AAR2: variants seen among roughly 807,000 people sequenced by gnomAD.
The protein encoded by AAR2 is AAR2 splicing factor.
Under a neutral mutation model 26.9 loss-of-function variants are expected in AAR2, and 31 were observed. That is an observed-to-expected ratio of 1.15 (90% confidence interval 0.86 to 1.55). The LOEUF (loss-of-function observed/expected upper bound fraction) is 1.55, where lower values mean the gene tolerates loss of function less well. AAR2 is among the 40% of genes most tolerant of loss of function. The pLI is 0.00. For synonymous variants in AAR2, 188 were observed against 196.1 expected, an observed-to-expected ratio of 0.96 and a Z score of 0.34; for missense variants, 430 against 491.3, an observed-to-expected ratio of 0.88 and a Z score of 1.18.
chr20:36,251,464 G>A (rs551139669), intron 3 of AAR2, among the ~76,000 whole-genome samples: 6 of 152,196 alleles, frequency 3.9e-5, no homozygotes, highest in African/African-American at 1.4e-4. Context: ...CCTGTGTCCT[G>A]GAGGCTGCAG....
At chr20:36,247,319 C>G (rs189487173) in intron 3 of AAR2, among the ~76,000 whole-genome samples, 1 of 152,280 alleles carries the variant, frequency 6.6e-6, no homozygotes, top group Admixed American at 6.5e-5. Context: ...ACCAGTTACC[C>G]CATCTCTCTC....
Position 36,239,895 on chromosome 20 carries a change from G to A in AAR2, c.27G>A (p.Glu9=). The change falls in exon 2 of 4, where the codon GAG becomes GAA. Residue 9 remains glutamate, a synonymous_variant. Coordinates refer to ENST00000320849, the MANE Select transcript of AAR2 (RefSeq NM_001271874.2). ...TGGCTGCCGTGCAGATGGATCCTGA[G>A]CTAGCCAAGCGCCTCTTCTTTGAAG... The part of the protein sequence containing the change: MAAVQMDP[E]LAKRLFFEGA... 6.2e-7 allele frequency: 1 copy of A among 1,603,726 alleles called. No homozygotes were observed. The highest frequency in any genetic ancestry group is 1.3e-5 in the African/African-American group (1 of 74,868).
chr20:36,238,043 C>T (rs2064635046), intron 1 of AAR2, among the ~76,000 whole-genome samples: 1 of 152,012 alleles, frequency 6.6e-6, no homozygotes, highest in Admixed American at 6.6e-5. Context: ...CTCGGCCTCC[C>T]AAAGTGCTGT....
At chr20:36,249,030 G>A (rs2064761098) in intron 3 of AAR2, among the ~76,000 whole-genome samples, 1 of 152,128 alleles carries the variant, frequency 6.6e-6, no homozygotes, top group Admixed American at 6.5e-5. Context: ...TGCCCTCCCA[G>A]GTAGTCAAGT....
At position 36,255,951 on chromosome 20, in the gene AAR2, G is replaced by T; in HGVS notation, c.*206G>T. The T allele has an allele frequency of 1.5e-6, 1 of 685,934 alleles. No individual in the cohort carries two copies. Among genetic ancestry groups the T allele is most frequent in the Non-Finnish European group, 2.3e-6 (1 of 429,276 alleles). The allele number at this position is 685,934 out of a possible 1,614,324, so 42.5% of individuals were successfully genotyped here. A position where few individuals can be genotyped will look rare whatever the true frequency, so the allele number is the denominator to read the frequency against. On this transcript the variant is annotated 3_prime_UTR_variant, in exon 4 of 4. Transcript: ENST00000320849. ...TACCCATCCTGAAGGCACATTTGTG[G>T]GTTCCCCATCAGCCAGGCCTTGGTG...
At chr20:36,245,205 C>G (rs752023373) in intron 3 of AAR2, among the ~76,000 whole-genome samples, 1 of 152,152 alleles carries the variant, frequency 6.6e-6, no homozygotes, top group Non-Finnish European at 1.5e-5. Flanking sequence ...GTTTACTCAG[C>G]TTAAAACAGC....
At chr20:36,246,145 G>T (rs576261526) in intron 3 of AAR2, among the ~76,000 whole-genome samples, 6 of 152,312 alleles carry the variant, frequency 3.9e-5, no homozygotes, top group Admixed American at 1.3e-4. Context: ...TGGAGGTCAG[G>T]ATTTGTACCC....
At chr20:36,252,638 C>G (rs1488000952) in intron 3 of AAR2, among the ~76,000 whole-genome samples, 1 of 152,104 alleles carries the variant, frequency 6.6e-6, no homozygotes, top group Non-Finnish European at 1.5e-5. Flanking sequence ...AGCGTGTGTG[C>G]AGAGAGGCGC....
rs201095536 is a variant in AAR2, at chr20:36,255,702, C to A, written c.1112C>A (p.Ala371Asp). ...TTTGCTGCGGAACCTGAGGACTGTG[C>A]CCCGGTGGTGGTGGAGCTCCCTGAG... ...WDFAAEPEDC[A>D]PVVVELPEGI... Residue 371 changes from alanine (A) to aspartate (D), a missense_variant, in exon 4 of 4, where the codon GCC (alanine) becomes GAC (aspartate). Coordinates refer to ENST00000320849, the MANE Select transcript of AAR2 (RefSeq NM_001271874.2). 3.7e-6 allele frequency: 6 copies of A among 1,614,026 alleles called. No individual in the cohort carries two copies. The African/African-American group carries it at 6.7e-5, about 18-fold the overall frequency.
chr20:36,252,778 C>T (rs1188832007), intron 3 of AAR2, among the ~76,000 whole-genome samples: 4 of 152,072 alleles, frequency 2.6e-5, no homozygotes, highest in Non-Finnish European at 5.9e-5. Context: ...AGCAGTCTCC[C>T]CACAACCTCT....
At chr20:36,249,624 T>G (rs2064765956) in intron 3 of AAR2, among the ~76,000 whole-genome samples, 1 of 152,244 alleles carries the variant, frequency 6.6e-6, no homozygotes, top group Non-Finnish European at 1.5e-5. Context: ...TTTGCCTGCC[T>G]ACTCCTACAC....
intron 1 of AAR2, among the ~76,000 whole-genome samples, chr20:36,237,498 T>C (rs1016360122): frequency 6.6e-6 from 1 of 152,070 alleles, no homozygotes; most frequent in African/African-American, 2.4e-5. Flanking sequence ...TGCAGAGTTC[T>C]ATGCATATTT....
chr20:36,249,768 C>T (rs1465144262), intron 3 of AAR2, among the ~76,000 whole-genome samples: 1 of 152,192 alleles, frequency 6.6e-6, no homozygotes, highest in Non-Finnish European at 1.5e-5. Flanking sequence ...TGCTCAAAAT[C>T]AACAGAGCTA....
chr20:36,242,535 C>T (rs1365668237), intron 2 of AAR2, among the ~76,000 whole-genome samples: 8 of 151,906 alleles, frequency 5.3e-5, no homozygotes, highest in Admixed American at 2.0e-4. Context: ...GGACTACAGG[C>T]GCCCGCCACC....
intron 1 of AAR2, 177 bp downstream of exon 1, chr20:36,236,680 C>G (rs1225941456): frequency 6.6e-6 from 1 of 152,210 alleles, no homozygotes; most frequent in Non-Finnish European, 1.5e-5. Context: ...CCTGAGAAGC[C>G]GTCGCCAGAG....
intron 2 of AAR2, among the ~76,000 whole-genome samples, chr20:36,242,684 C>G (rs2064695554): frequency 6.6e-6 from 1 of 152,130 alleles, no homozygotes; most frequent in Admixed American, 6.5e-5. Context: ...TGAGCCACCG[C>G]ACCCAGCCTT....
At chr20:36,252,382 G>A (rs1191304592) in intron 3 of AAR2, among the ~76,000 whole-genome samples, 2 of 152,154 alleles carry the variant, frequency 1.3e-5, no homozygotes, top group African/African-American at 4.8e-5. Flanking sequence ...CGGTGTGAAA[G>A]AGCCGCTGCT....
Position 36,240,534 on chromosome 20 carries a change from A to G in AAR2, c.666A>G (p.Pro222=), listed in dbSNP as rs955002400. ...AGATGTTCCCAGAGGGTGCCACGCC[A>G]GCTGAGATAACCAAGCACAGCATGG... is the stretch of plus-strand genomic sequence containing the variant. ...PTQMFPEGAT[P]AEITKHSMDL... Residue 222 remains proline, a synonymous_variant, in exon 2 of 4, where the codon CCA becomes CCG. Coordinates refer to ENST00000320849, the MANE Select transcript of AAR2 (RefSeq NM_001271874.2). 2.7e-5 allele frequency: 43 copies of G among 1,613,840 alleles called. No individual in the cohort carries two copies. The highest frequency in any genetic ancestry group is 3.6e-5 in the Non-Finnish European group (43 of 1,180,036).
chr20:36,246,121 A>C (rs768112692), intron 3 of AAR2, among the ~76,000 whole-genome samples: 1 of 152,222 alleles, frequency 6.6e-6, no homozygotes, highest in Non-Finnish European at 1.5e-5. Flanking sequence ...ACTTGAAGTC[A>C]TACAGCTGGC....
Sources: allele counts gnomAD v4.1 joint callset (sites outside exome capture counted in the v4.1 genomes callset), GRCh38; gene constraint gnomAD v4.1.1; transcripts MANE v1.5; gene names NCBI Gene and HGNC (gene_info 2026-07-23, HGNC 2026-07-21).